The following TDRD9 variants were observed in gnomAD, a reference collection of about 807,000 sequenced individuals.
TDRD9 encodes tudor domain containing 9, also known as ATP-dependent RNA helicase TDRD9.
TDRD9 carries 124 observed loss-of-function variants against 172.6 expected under a neutral mutation model. The ratio of observed to expected loss-of-function variants is 0.72; its 90% CI spans 0.62 to 0.83. TDRD9 has a LOEUF of 0.83. TDRD9 is among the 40% of genes least tolerant of loss of function. The probability of loss-of-function intolerance (pLI) is 0.00; values close to 1 mark genes in which losing one functional copy is unlikely to be tolerated. For synonymous variants in TDRD9, 619 were observed against 617.1 expected, an observed-to-expected ratio of 1.00 and a Z score of -0.05; for missense variants, 1,479 against 1,714.1, an observed-to-expected ratio of 0.86 and a Z score of 2.42.
chr14:103,929,606 C>G (rs374592401), intron 1 of TDRD9, among the ~76,000 whole-genome samples: 40 of 151,860 alleles, frequency 2.6e-4, no homozygotes, highest in African/African-American at 9.4e-4. Flanking sequence ...TGCAATCTCC[C>G]CCTCCTAGGT....
chr14:103,952,729 C>CT (rs68192057), intron 1 of TDRD9, among the ~76,000 whole-genome samples: 38,433 of 71,790 alleles, frequency 0.54, 14,395 homozygotes, highest in South Asian at 0.64. Flanking sequence ...AATTCTCTCT[C>CT]TTTTTTTTTT....
chr14:103,928,710 C>A lies in TDRD9; in HGVS notation c.201C>A (p.Ala67=), dbSNP rs2030144707. Reference sequence around the variant, plus strand: ...TGGCCCAAGCTCCGGCCCGGCCGGCCGCTGCGTTCGAAAGGTAGGACGCGG... The same window carrying A: ...TGGCCCAAGCTCCGGCCCGGCCGGCAGCTGCGTTCGAAAGGTAGGACGCGG... ...PALAQAPARP[A]AAFERSLSQR... Residue 67 remains alanine, a synonymous_variant, in exon 1 of 36, where the codon GCC becomes GCA. Transcript: ENST00000409874. 14 of 1,173,050 alleles carry A rather than the reference C, an allele frequency of 1.2e-5. No homozygotes were observed. Among genetic ancestry groups the A allele is most frequent in the Non-Finnish European group, 1.5e-5 (14 of 940,964 alleles). The allele number at this position is 1,173,050 out of a possible 1,614,324, so 72.7% of individuals were successfully genotyped here.
chr14:104,018,904 TG>T (rs1175962987), intron 23 of TDRD9, among the ~76,000 whole-genome samples: 1 of 152,212 alleles, frequency 6.6e-6, no homozygotes, highest in Non-Finnish European at 1.5e-5. Context: ...ATTTTCAATT[TG>T]GGGTAATTCC....
In TDRD9 at chr14:104,025,502, C is replaced by G. The variant is rs112114550; in HGVS notation, c.2719-62C>G. Reference sequence around the variant, plus strand: ...GGGTGTCAGCCCTATGATTCAAGCTCATTTTCCTCCTTACAAAAGTCCTTT... The same window carrying G: ...GGGTGTCAGCCCTATGATTCAAGCTGATTTTCCTCCTTACAAAAGTCCTTT... On this transcript the variant is annotated intron_variant, in intron 25 of 35. Transcript: ENST00000409874. The G allele has an allele frequency of 1.4e-4, 193 of 1,348,310 alleles. 1 individual carries two copies. The African/African-American group carries it at 2.3e-3, about 16-fold the overall frequency. The allele number at this position is 1,348,310 out of a possible 1,614,324, so 83.5% of individuals were successfully genotyped here.
chr14:104,028,043 C>T (rs1279452437), intron 28 of TDRD9, among the ~76,000 whole-genome samples: 1 of 152,160 alleles, frequency 6.6e-6, no homozygotes, highest in Non-Finnish European at 1.5e-5. Context: ...CTTTTTGTAG[C>T]TGAATGGTAT....
intron 20 of TDRD9, among the ~76,000 whole-genome samples, chr14:104,010,238 C>T (rs979786287): frequency 6.1e-5 from 9 of 148,738 alleles, no homozygotes; most frequent in African/African-American, 2.2e-4. Flanking sequence ...AGCCACTGTG[C>T]CTGTCCTAAT....
Position 103,997,769 on chromosome 14 carries a change from G to A in TDRD9, c.1379-855G>A, listed in dbSNP as rs1390591192. Among the ~76,000 whole-genome samples, 1 of 152,226 alleles carries A rather than the reference G, an allele frequency of 6.6e-6. No individual in the cohort carries two copies. Among genetic ancestry groups the A allele is most frequent in the East Asian group, 1.9e-4 (1 of 5,184 alleles). Reference sequence around the variant, plus strand: ...ACCCAGTGGGAAAAGGGTCTTGAGGGGATGGAGTGGAGGAGTGCATCAGAT... The same window carrying A: ...ACCCAGTGGGAAAAGGGTCTTGAGGAGATGGAGTGGAGGAGTGCATCAGAT... On this transcript the variant is annotated intron_variant, in intron 12 of 35. Coordinates refer to ENST00000409874, the MANE Select transcript of TDRD9 (RefSeq NM_153046.3). This position sits in a 1 kb window ranked among gnomAD's most constrained non-coding sequence, Gnocchi z 5.1.
intron 1 of TDRD9, among the ~76,000 whole-genome samples, chr14:103,949,521 A>C (rs1270227249): frequency 2.0e-5 from 3 of 152,152 alleles, no homozygotes; most frequent in Non-Finnish European, 4.4e-5. Context: ...GATTATAAAC[A>C]ATTTCATGTA....
chr14:104,033,659 G>T (rs1156545853), intron 30 of TDRD9, among the ~76,000 whole-genome samples: 1 of 152,078 alleles, frequency 6.6e-6, no homozygotes, highest in Non-Finnish European at 1.5e-5. Context: ...AGAGGGTCTC[G>T]AGTGGAGGTG....
chr14:104,047,799 C>T (rs60080575), intron 34 of TDRD9, among the ~76,000 whole-genome samples: 8,428 of 152,176 alleles, frequency 0.055, 639 homozygotes, highest in African/African-American at 0.17. Context: ...GACGTGGATG[C>T]GGTACAGAGA....
intron 7 of TDRD9, among the ~76,000 whole-genome samples, chr14:103,982,329 G>C (rs536875204): frequency 6.6e-6 from 1 of 152,036 alleles, no homozygotes; most frequent in Non-Finnish European, 1.5e-5. Flanking sequence ...TCTACCTCCC[G>C]CAGGCAATTC....
intron 20 of TDRD9, among the ~76,000 whole-genome samples, chr14:104,010,202 C>G (rs1011121112): frequency 1.2e-4 from 18 of 152,130 alleles, no homozygotes; most frequent in African/African-American, 4.3e-4. Context: ...GCCTTGGCCT[C>G]TCAAAGTGTT....
intron 9 of TDRD9, among the ~76,000 whole-genome samples, chr14:103,992,319 T>G (rs1434177272): frequency 6.6e-6 from 1 of 152,226 alleles, no homozygotes; most frequent in Non-Finnish European, 1.5e-5. Context: ...TAATGGAGAA[T>G]GAAAAACATG....
At chr14:103,939,764 T>TTTTTTTTTTTTTTTTA (rs61621268) in intron 1 of TDRD9, 1 of 133,076 alleles carries the variant, frequency 7.5e-6, no homozygotes, top group Non-Finnish European at 1.6e-5. Context: ...TTTTTTTTTT[T>TTTTTTTTTTTTTTTTA]GAGACAAGGT....
intron 34 of TDRD9, among the ~76,000 whole-genome samples, chr14:104,045,390 CT>C (rs55844445): frequency 0.33 from 43,781 of 133,692 alleles, 6,665 homozygotes; most frequent in East Asian, 0.36. Flanking sequence ...GTCATTTATC[CT>C]TTTTTTTTTT....
chr14:103,967,798 T>C (rs1035095354), intron 5 of TDRD9, among the ~76,000 whole-genome samples: 54 of 152,334 alleles, frequency 3.5e-4, no homozygotes, highest in African/African-American at 1.2e-3. Flanking sequence ...TTATGACTTA[T>C]GGTAGTTTTG....
At position 103,965,343 on chromosome 14, in the gene TDRD9, T is replaced by TG; in HGVS notation, c.432dup (p.Ile145AspfsTer4). ...TTTTTAAATTTCTAGGTTGTGTCTT[T>TG]GATAGAAAGTAATTCCGTGGTGATT... is the stretch of plus-strand genomic sequence containing the variant. On this transcript the variant is annotated frameshift_variant, in exon 4 of 36. Transcript: ENST00000409874. LOFTEE classifies it high-confidence loss of function. 1 of 1,551,720 alleles carries TG rather than the reference T, an allele frequency of 6.4e-7. No homozygotes were observed. Among genetic ancestry groups the TG allele is most frequent in the South Asian group, 1.2e-5 (1 of 84,064 alleles).
intron 9 of TDRD9, among the ~76,000 whole-genome samples, chr14:103,991,759 ATTT>A (rs5811125): frequency 4.2e-5 from 6 of 143,146 alleles, no homozygotes; most frequent in Admixed American, 7.0e-5. Flanking sequence ...TAAGAGTTCA[ATTT>A]TTTTTTTTTT....
At chr14:103,995,619 G>C in intron 11 of TDRD9, 131 bp from the exon 12 acceptor site, 4 of 755,540 alleles carry the variant, frequency 5.3e-6, no homozygotes, top group Non-Finnish European at 8.2e-6. Flanking sequence ...TAGAAAAATG[G>C]CTAATTTTGA....
Sources: gnomAD v4.1 joint callset for allele counts (sites outside exome capture counted in the v4.1 genomes callset) on GRCh38, gnomAD v4.1.1 for gene constraint, Gnocchi (gnomAD v3.1) non-coding constraint, MANE v1.5 for transcripts, NCBI Gene and HGNC (gene_info 2026-07-23, HGNC 2026-07-21) for gene names.